FAM135B: variants seen among roughly 807,000 people sequenced by gnomAD.
The protein encoded by FAM135B is protein FAM135B.
In FAM135B, 43 loss-of-function variants were observed where a neutral mutation model predicts 127.7. The observed-to-expected ratio is 0.34, with a 90% CI of 0.26 to 0.43. The LOEUF (loss-of-function observed/expected upper bound fraction) is 0.43. Ranked by LOEUF, FAM135B falls within the 20% of genes least tolerant of loss-of-function variation. The pLI is 1.00. For missense variants in FAM135B, 1,558 were observed against 1,725.6 expected (o/e 0.90, Z 1.72); for synonymous variants, 670 against 665.1 (o/e 1.01, Z -0.11).
At chr8:138,168,803 A>AT (rs560107569) in intron 11 of FAM135B, among the ~76,000 whole-genome samples, 7 of 152,104 alleles carry the variant, frequency 4.6e-5, no homozygotes, top group South Asian at 4.1e-4. Flanking sequence ...ACATTTCATC[A>AT]TTTTTTTCCA....
intron 2 of FAM135B, among the ~76,000 whole-genome samples, chr8:138,343,888 G>A (rs1280575720): frequency 6.6e-6 from 1 of 152,236 alleles, no homozygotes; most frequent in African/African-American, 2.4e-5. Flanking sequence ...CCACTGGACA[G>A]GAGGGGGGTT....
At chr8:138,182,262 A>G (rs1331992989) in intron 9 of FAM135B, among the ~76,000 whole-genome samples, 1 of 152,268 alleles carries the variant, frequency 6.6e-6, no homozygotes, top group Non-Finnish European at 1.5e-5. Context: ...TAATTAAGCC[A>G]CAAGAGGACT....
chr8:138,314,144 C>T (rs985951805), intron 2 of FAM135B, among the ~76,000 whole-genome samples: 5 of 152,110 alleles, frequency 3.3e-5, no homozygotes, highest in Admixed American at 3.3e-4. Context: ...CTATGAGTTA[C>T]AGTGCTGCTG....
intron 2 of FAM135B, among the ~76,000 whole-genome samples, chr8:138,319,616 A>G (rs1255303032): frequency 6.6e-6 from 1 of 152,182 alleles, no homozygotes; most frequent in Non-Finnish European, 1.5e-5. Context: ...CTAGATTTGC[A>G]CAGAACTCCT....
intron 1 of FAM135B, among the ~76,000 whole-genome samples, chr8:138,468,854 G>A (rs1837519926): frequency 6.6e-6 from 1 of 152,120 alleles, no homozygotes; most frequent in African/African-American, 2.4e-5. Context: ...AGACCAGCCT[G>A]GCCAACAAAG....
At chr8:138,142,005 C>A (rs1817200324) in intron 16 of FAM135B, among the ~76,000 whole-genome samples, 1 of 152,204 alleles carries the variant, frequency 6.6e-6, no homozygotes, top group Non-Finnish European at 1.5e-5. Flanking sequence ...AAATCAGTGT[C>A]ACCCTATGAA....
At chr8:138,240,037 T>A (rs1039262830) in intron 7 of FAM135B, among the ~76,000 whole-genome samples, 2 of 151,348 alleles carry the variant, frequency 1.3e-5, no homozygotes, top group Non-Finnish European at 2.9e-5. Flanking sequence ...TTAGGAGATA[T>A]ACCTAGTGTA....
chr8:138,152,470 G>C lies in FAM135B; in HGVS notation c.2005C>G (p.Leu669Val), dbSNP rs950247724. ...TTGATGACCCCGGATAGCACTGAGA[G>C]TTCCTCCTGCTCTTCTGTGTGAGAG... The part of the protein sequence containing the change: ...KDSHTEEQEE[L>V]SVLSGVIKRS... Residue 669 changes from leucine (L) to valine (V), a missense_variant, in exon 13 of 20, where the codon CTC becomes GTC. Leu to Val is a conservative substitution (Grantham distance 32). This residue lies in a region of FAM135B where 923 missense variants were observed against 865.3 expected (regional missense o/e 1.07). Coordinates refer to ENST00000395297, the MANE Select transcript of FAM135B (RefSeq NM_015912.4). The C allele has an allele frequency of 4.3e-6, 7 of 1,614,206 alleles. No individual in the cohort carries two copies. Among genetic ancestry groups the C allele is most frequent in the Middle Eastern group, 1.6e-4 (1 of 6,062 alleles).
In FAM135B at chr8:138,226,188, C is replaced by T. The variant is rs907958589; in HGVS notation, c.669+16754G>A. On this transcript the variant is annotated intron_variant, in intron 7 of 19. Coordinates refer to ENST00000395297, the MANE Select transcript of FAM135B (RefSeq NM_015912.4). Reference sequence around the variant, plus strand: ...GTGTGTGTGTGTGTGTGTGTGTGCGCGCATGTCATTTTTTTTTTCATTGAT... The same window carrying T: ...GTGTGTGTGTGTGTGTGTGTGTGCGTGCATGTCATTTTTTTTTTCATTGAT... Among the ~76,000 whole-genome samples, 33 of 81,870 alleles carry T rather than the reference C, an allele frequency of 4.0e-4. No homozygotes were observed. The East Asian group carries it at 6.8e-3, about 17-fold the overall frequency. The allele number at this position is 81,870 out of a possible 152,430, so 53.7% of individuals were successfully genotyped here. A position where few individuals can be genotyped will look rare whatever the true frequency, so the allele number is the denominator to read the frequency against.
At chr8:138,283,302 A>C (rs1038958585) in intron 3 of FAM135B, among the ~76,000 whole-genome samples, 1 of 152,200 alleles carries the variant, frequency 6.6e-6, no homozygotes, top group African/African-American at 2.4e-5. Context: ...CCGTTGGGCC[A>C]TAAAAAGATG....
chr8:138,148,193 C>A (rs1817811489), intron 14 of FAM135B, among the ~76,000 whole-genome samples: 1 of 152,138 alleles, frequency 6.6e-6, no homozygotes, highest in Non-Finnish European at 1.5e-5. Context: ...TTCATTAATT[C>A]ATTCACTCCA....
At chr8:138,401,505 T>C (rs2131365602) in intron 1 of FAM135B, among the ~76,000 whole-genome samples, 1 of 152,292 alleles carries the variant, frequency 6.6e-6, no homozygotes, top group East Asian at 1.9e-4. Context: ...TCCCAGTCAG[T>C]GACAGCCACG....
At chr8:138,320,865 T>C (rs896201278) in intron 2 of FAM135B, among the ~76,000 whole-genome samples, 1 of 152,208 alleles carries the variant, frequency 6.6e-6, no homozygotes, top group Non-Finnish European at 1.5e-5. Context: ...CTGTGAGTGA[T>C]AAAGAATCCA....
intron 11 of FAM135B, 112 bp from the exon 12 acceptor site, chr8:138,168,161 T>C (rs748821890): frequency 8.2e-7 from 1 of 1,223,148 alleles, no homozygotes; most frequent in Non-Finnish European, 1.1e-6. Context: ...ACTCTGGCAA[T>C]TGTCTGCCCA....
chr8:138,422,004 AT>A (rs1358376664), intron 1 of FAM135B, among the ~76,000 whole-genome samples: 1 of 152,020 alleles, frequency 6.6e-6, no homozygotes, highest in East Asian at 1.9e-4. Flanking sequence ...AAAGTCAACA[AT>A]AACAAGCAAT....
chr8:138,195,350 T>G, intron 8 of FAM135B, 43 bp from the exon 9 acceptor site: 1 of 1,582,856 alleles, frequency 6.3e-7, no homozygotes. Context: ...GAACCCACAC[T>G]GAAATGCAGC....
At chr8:138,392,222 C>G (rs555404273) in intron 1 of FAM135B, among the ~76,000 whole-genome samples, 1 of 152,188 alleles carries the variant, frequency 6.6e-6, no homozygotes, top group South Asian at 2.1e-4. Flanking sequence ...GCCCCAGGCC[C>G]GGGAGCCCCT....
At chr8:138,177,095 C>T (rs1032993840) in intron 11 of FAM135B, among the ~76,000 whole-genome samples, 5 of 152,152 alleles carry the variant, frequency 3.3e-5, no homozygotes, top group African/African-American at 9.7e-5. Context: ...ACCTAGGGTG[C>T]CTTGATTCTG....
chr8:138,371,135 G>A (rs2131235606), intron 1 of FAM135B, among the ~76,000 whole-genome samples: 1 of 152,306 alleles, frequency 6.6e-6, no homozygotes, highest in Middle Eastern at 3.4e-3. Context: ...TTTCTTGTGA[G>A]CTGCATGACC....
Sources: allele counts gnomAD v4.1 joint callset (sites outside exome capture counted in the v4.1 genomes callset), GRCh38; gene constraint gnomAD v4.1.1; regional missense constraint gnomAD v4.1.1; transcripts MANE v1.5; gene names NCBI Gene and HGNC (gene_info 2026-07-23, HGNC 2026-07-21).